Variants in COCH observed in about 807,000 individuals in gnomAD.
The protein encoded by COCH is cochlin, also known as coagulation factor C homolog, cochlin (Limulus polyphemus).
COCH carries 40 observed loss-of-function variants against 54.8 expected under a neutral mutation model. That is an observed-to-expected ratio of 0.73 (90% CI 0.57 to 0.95). COCH has a LOEUF of 0.95. Among genes scored for constraint, COCH ranks in the 40% least tolerant of loss-of-function variants. The pLI is 0.00. For synonymous variants in COCH, 256 were observed against 237.9 expected (o/e 1.08, Z -0.70); for missense variants, 605 against 675.0 (o/e 0.90, Z 1.15).
chr14:30,890,681 A>G, downstream of COCH: 1 of 544,170 alleles, frequency 1.8e-6, no homozygotes, highest in Non-Finnish European at 2.3e-6. Context: ...TCATGTGGAA[A>G]GACCAATCTG....
intron 3 of COCH, chr14:30,876,583 T>G (rs952479923): frequency 2.0e-5 from 3 of 152,198 alleles, no homozygotes; most frequent in Non-Finnish European, 4.4e-5. Context: ...TTAGATAACT[T>G]TCTGTGAATC....
Position 30,885,806 on chromosome 14 carries a change from G to A in COCH, c.971G>A (p.Arg324Gln), listed in dbSNP as rs748731866. The change falls in exon 11 of 12, where the codon CGG becomes CAG. Residue 324 changes from arginine to glutamine, a missense_variant. Coordinates refer to ENST00000396618, the MANE Select transcript of COCH (RefSeq NM_004086.3). ...TGTCTCCCCCATTAGGCTGTCTGTC[G>A]GAATAATGGCTTCTTCTCTTACCAC... is the stretch of plus-strand genomic sequence containing the variant. ...DVTFVDKAVC[R>Q]NNGFFSYHMP... is the part of the protein sequence containing the mutation. 4.2e-5 allele frequency: 68 copies of A among 1,613,950 alleles called. No individual in the cohort carries two copies. The highest frequency in any genetic ancestry group is 1.7e-4 in the Middle Eastern group (1 of 6,058).
chr14:30,883,296 T>C (rs1235513471), intron 8 of COCH, among the ~76,000 whole-genome samples: 2 of 152,194 alleles, frequency 1.3e-5, no homozygotes, highest in Non-Finnish European at 2.9e-5. Flanking sequence ...TGCAGTACTT[T>C]TTGTCTTGTA....
rs1418004380 is a variant in COCH at position 30,884,589 on chromosome 14, T to G, written c.666T>G (p.Phe222Leu). The G allele has an allele frequency of 1.9e-6, 3 of 1,613,822 alleles. 1 individual carries two copies. The highest frequency in any genetic ancestry group is 2.2e-5 in the South Asian group (2 of 91,086). The change falls in exon 9 of 12, where the codon TTT becomes TTG. Residue 222 changes from phenylalanine to leucine, a missense_variant. By Grantham distance (22) the Phe-to-Leu change is conservative. Coordinates refer to ENST00000396618, the MANE Select transcript of COCH (RefSeq NM_004086.3). ...HPKIEFYLKN[F>L]TSAKDVLFAI... ...AAATAGAATTTTACTTGAAAAACTTTACATCAGCCAAAGATGTTTTGTTTG... is the reference window on the plus strand; with the variant it reads ...AAATAGAATTTTACTTGAAAAACTTGACATCAGCCAAAGATGTTTTGTTTG...
Position 30,887,329 on chromosome 14 carries a change from G to A in COCH, c.1477+1017G>A, listed in dbSNP as rs541756951. On this transcript the variant is annotated intron_variant, in intron 11 of 11. Transcript: ENST00000396618. ...GAATCACTTGAACCCAGGAGGCAGA[G>A]GTTGCAATGAACTGAGATCGTGCCA... is the stretch of plus-strand genomic sequence containing the variant. Among the ~76,000 whole-genome samples the A allele has an allele frequency of 2.6e-5, 4 of 151,988 alleles. No individual in the cohort carries two copies. In the East Asian group the frequency reaches 7.8e-4, roughly 29 times the overall value.
rs149627009 is a variant in COCH, at chr14:30,875,252, G to A, written c.82+149G>A. 3.0e-4 allele frequency: 336 copies of A among 1,115,340 alleles called. No homozygotes were observed. Among genetic ancestry groups the A allele is most frequent in the Non-Finnish European group, 3.8e-4 (297 of 788,962 alleles). 69.1% of individuals were successfully genotyped at this position (1,115,340 alleles called of 1,614,324 possible). A position where few individuals can be genotyped will look rare whatever the true frequency, so the allele number is the denominator to read the frequency against. On this transcript the variant is annotated intron_variant, in intron 3 of 11. Transcript: ENST00000396618. The stretch of plus-strand genomic sequence containing the variant: ...TTGAGCCGCCGCGTGGCGCGCCCGC[G>A]TTAACCCCTGCAGCCGATCTGCTCC...
rs772269857 is a variant in COCH at position 30,879,437 on chromosome 14, A to G, written c.388A>G (p.Thr130Ala). Residue 130 changes from threonine to alanine, a missense_variant, in exon 6 of 12, where the codon ACA becomes GCA. Physicochemically the swap from Thr to Ala is moderately conservative, Grantham distance 58 (BLOSUM62 0). Coordinates refer to ENST00000396618, the MANE Select transcript of COCH (RefSeq NM_004086.3). ...TATTTTAACAGAAGGCAAAAGTAGT[A>G]CACAGGAGGCCACAGGACAAGCAGT... Reference protein sequence around the residue: ...SFTVTKGKSSTQEATGQAVST... With the variant: ...SFTVTKGKSSAQEATGQAVST... 1.3e-5 allele frequency: 21 copies of G among 1,614,016 alleles called. No individual in the cohort carries two copies. The South Asian group carries it at 1.8e-4, about 14-fold the overall frequency.
chr14:30,889,623 T>C lies in COCH; in HGVS notation c.1485T>C (p.Thr495=). The change falls in exon 12 of 12, where the codon ACT becomes ACC. Residue 495 remains threonine (T), a synonymous_variant. Transcript: ENST00000396618. ...PAAAAHDAGI[T]IFSVGVAWAP... ...AAAATGTTTTCATTGTAGGAATCAC[T>C]ATCTTCTCTGTTGGTGTGGCTTGGG... is the stretch of plus-strand genomic sequence containing the variant. 1 of 1,613,894 alleles carries C rather than the reference T, an allele frequency of 6.2e-7. No homozygotes were observed. Among genetic ancestry groups the C allele is most frequent in the Non-Finnish European group, 8.5e-7 (1 of 1,179,768 alleles).
chr14:30,889,952 C>T lies in COCH; in HGVS notation c.*161C>T. ...AATAAGCACTCCTTTAAAGCCGCTG[C>T]CTTCTGGTTACAATTTACAGTGTAC... On this transcript the variant is annotated 3_prime_UTR_variant, in exon 12 of 12. Coordinates refer to ENST00000396618, the MANE Select transcript of COCH (RefSeq NM_004086.3). The T allele has an allele frequency of 7.2e-7, 1 of 1,389,646 alleles. No individual in the cohort carries two copies. The highest frequency in any genetic ancestry group is 1.7e-5 in the South Asian group (1 of 59,312). The allele number at this position is 1,389,646 out of a possible 1,614,324, so 86.1% of individuals were successfully genotyped here. A position where few individuals can be genotyped will look rare whatever the true frequency, so the allele number is the denominator to read the frequency against.
At chr14:30,875,138 G>T (rs1418593937) in intron 3 of COCH, 35 bp downstream of exon 3, 3 of 1,547,426 alleles carry the variant, frequency 1.9e-6, no homozygotes, top group Non-Finnish European at 2.6e-6. Flanking sequence ...CCAGGCGGTC[G>T]CAGGGGCTGA....
chr14:30,886,235 A>G lies in COCH; in HGVS notation c.1400A>G (p.Lys467Arg), dbSNP rs1895787259. 3.1e-6 allele frequency: 5 copies of G among 1,613,132 alleles called. No individual in the cohort carries two copies. The East Asian group carries it at 1.1e-4, about 36-fold the overall frequency. The change falls in exon 11 of 12, where the codon AAG (lysine) becomes AGG (arginine). Residue 467 changes from lysine (K) to arginine (R), a missense_variant. Physicochemically the swap from Lys to Arg is conservative, Grantham distance 26. Transcript: ENST00000396618. ...GGCCCTATAAGGGAGAGCCCCAACA[A>G]GAACTTCCTAGTAATTGTCACAGAT... ...VFGPIRESPN[K>R]NFLVIVTDGQ...
intron 4 of COCH, among the ~76,000 whole-genome samples, chr14:30,878,079 G>A (rs1017417700): frequency 6.6e-6 from 1 of 152,176 alleles, no homozygotes; most frequent in African/African-American, 2.4e-5. Context: ...AGTTACAGAT[G>A]AAGAAACTGA....
chr14:30,889,518 G>A (rs893617715), intron 11 of COCH, 98 bp from the exon 12 acceptor site: 8 of 1,075,996 alleles, frequency 7.4e-6, no homozygotes, highest in South Asian at 5.4e-5. Context: ...AGCAGTTTTC[G>A]CTGCAACTAT....
In COCH at chr14:30,877,675, T is replaced by C. The variant is rs1566406820; in HGVS notation, c.186T>C (p.Tyr62=). The change falls in exon 4 of 12, where the codon TAT becomes TAC. Residue 62 remains tyrosine (Y), a synonymous_variant. Transcript: ENST00000396618. This position sits in a 1 kb window ranked among gnomAD's most constrained non-coding sequence, Gnocchi z 8.6. ...GCCCTCTTGAGGAATTCTCTGTGTA[T>C]GGGAACATAGTATATGCTTCTGTAT... is the stretch of plus-strand genomic sequence containing the variant. ...GGCPLEEFSV[Y]GNIVYASVSS... The C allele has an allele frequency of 1.2e-5, 19 of 1,614,220 alleles. No homozygotes were observed. The highest frequency in any genetic ancestry group is 1.4e-5 in the Non-Finnish European group (17 of 1,180,038).
downstream of COCH, chr14:30,890,694 TTG>T (rs1205435496): frequency 2.0e-6 from 1 of 491,492 alleles, no homozygotes. Context: ...CCAATCTGAA[TTG>T]TTTTTTAAAT....
intron 10 of COCH, 38 bp from the exon 11 acceptor site, chr14:30,885,758 G>C: frequency 6.2e-7 from 1 of 1,611,608 alleles, no homozygotes; most frequent in Middle Eastern, 1.7e-4. Flanking sequence ...AACAACTTTT[G>C]ATCCTTTTGG....
intron 8 of COCH, among the ~76,000 whole-genome samples, chr14:30,881,725 G>A (rs570270822): frequency 5.3e-5 from 8 of 152,202 alleles, no homozygotes; most frequent in Non-Finnish European, 1.0e-4. Flanking sequence ...TTGGGAGGCC[G>A]AGGCGGATGG....
At chr14:30,885,135 A>T in intron 9 of COCH, 5 of 1,486,606 alleles carry the variant, frequency 3.4e-6, no homozygotes, top group Non-Finnish European at 3.6e-6. Flanking sequence ...TGTGGGGTAA[A>T]CAAATGTGAG....
Position 30,877,408 on chromosome 14 carries a change from C to G in COCH, c.83-164C>G. The G allele has an allele frequency of 8.5e-6, 7 of 819,872 alleles. No homozygotes were observed. Among genetic ancestry groups the G allele is most frequent in the African/African-American group, 1.7e-5 (1 of 58,444 alleles). 50.8% of individuals were successfully genotyped at this position (819,872 alleles called of 1,614,324 possible). A position where few individuals can be genotyped will look rare whatever the true frequency, so the allele number is the denominator to read the frequency against. ...ATTAAATTGGAAAACAACCTTGTGG[C>G]TTGCCAAAATCTGGAATGGTATGGA... On this transcript the variant is annotated intron_variant, in intron 3 of 11. Coordinates refer to ENST00000396618, the MANE Select transcript of COCH (RefSeq NM_004086.3). This position sits in a 1 kb window ranked among gnomAD's most constrained non-coding sequence, Gnocchi z 8.6.
Sources: allele counts gnomAD v4.1 joint callset (sites outside exome capture counted in the v4.1 genomes callset), GRCh38; gene constraint gnomAD v4.1.1; non-coding constraint Gnocchi (gnomAD v3.1); transcripts MANE v1.5; gene names NCBI Gene and HGNC (gene_info 2026-07-23, HGNC 2026-07-21).